The following EPGN variants were observed in gnomAD, a reference collection of about 807,000 sequenced individuals.
EPGN encodes epithelial mitogen.
In EPGN, 21 loss-of-function variants were observed where a neutral mutation model predicts 20.7. The ratio of observed to expected loss-of-function variants is 1.01; its 90% CI spans 0.72 to 1.46. The LOEUF (loss-of-function observed/expected upper bound fraction) is 1.46. EPGN is among the 40% of genes most tolerant of loss of function. The pLI is 0.00. For synonymous variants in EPGN, 69 were observed against 63.8 expected, an observed-to-expected ratio of 1.08 and a Z score of -0.39; for missense variants, 199 against 180.7, an observed-to-expected ratio of 1.10 and a Z score of -0.58.
intron 2 of EPGN, among the ~76,000 whole-genome samples, chr4:74,310,097 T>G (rs1750804502): frequency 6.6e-6 from 1 of 152,198 alleles, no homozygotes; most frequent in South Asian, 2.1e-4. Flanking sequence ...AGAATAACTT[T>G]TAGCCAACTA....
At chr4:74,313,553 G>T (rs1751107290) in intron 4 of EPGN, 23 of 1,060,602 alleles carry the variant, frequency 2.2e-5, no homozygotes, top group Admixed American at 5.2e-5. Context: ...GTAAATATTT[G>T]TTGAGTGAAA....
intron 2 of EPGN, among the ~76,000 whole-genome samples, chr4:74,310,298 C>A (rs896405066): frequency 5.3e-5 from 8 of 151,650 alleles, no homozygotes; most frequent in Non-Finnish European, 8.8e-5. Context: ...CCTGTCTCTA[C>A]TAAAAATACA....
chr4:74,314,135 C>T (rs1372364035), intron 4 of EPGN: 3 of 456,824 alleles, frequency 6.6e-6, no homozygotes, highest in Non-Finnish European at 1.3e-5. Context: ...TTAGGTGAAA[C>T]CTGTAATAAA....
intron 2 of EPGN, 32 bp from the exon 3 acceptor site, chr4:74,312,153 T>C (rs1046706067): frequency 6.4e-7 from 1 of 1,565,766 alleles, no homozygotes; most frequent in African/African-American, 1.4e-5. Flanking sequence ...AAGACACATT[T>C]CATTTGCTAA....
At position 74,313,103 on chromosome 4, in the gene EPGN, A is replaced by G. The variant is rs1399188479; in HGVS notation, c.340A>G (p.Ile114Val). Residue 114 changes from isoleucine (I) to valine (V), a missense_variant, in exon 4 of 5, where the codon ATT (isoleucine) becomes GTT (valine). Coordinates refer to ENST00000413830, the MANE Select transcript of EPGN (RefSeq NM_001270989.2). ...GGATTCTTATGAAAAATACATTGCA[A>G]TTGGGATTGGTGTTGGATTACTATT... is the stretch of plus-strand genomic sequence containing the variant. ...AVDSYEKYIAIGIGVGLLLSG... is the reference protein window; with the variant it reads ...AVDSYEKYIAVGIGVGLLLSG... 1.2e-6 allele frequency: 2 copies of G among 1,613,096 alleles called. No individual in the cohort carries two copies. Among genetic ancestry groups the G allele is most frequent in the Non-Finnish European group, 1.7e-6 (2 of 1,179,528 alleles).
intron 3 of EPGN, 131 bp from the exon 4 acceptor site, chr4:74,312,887 C>A: frequency 1.3e-6 from 1 of 752,122 alleles, no homozygotes; most frequent in Non-Finnish European, 2.0e-6. Context: ...AACAGATTGG[C>A]TTTCATTTGG....
At position 74,314,883 on chromosome 4, in the gene EPGN, T is replaced by A. The variant is rs1751198075; in HGVS notation, c.*246T>A. 3.8e-6 allele frequency: 2 copies of A among 520,056 alleles called. No homozygotes were observed. Among genetic ancestry groups the A allele is most frequent in the Non-Finnish European group, 6.8e-6 (2 of 292,792 alleles). 32.2% of individuals were successfully genotyped at this position (520,056 alleles called of 1,614,324 possible). ...GTCAAATTCATAGTTTCACTCTGGG[T>A]TTTTTGTTGTTGTGTGGTTATTATT... is the stretch of plus-strand genomic sequence containing the variant. On this transcript the variant is annotated 3_prime_UTR_variant, in exon 5 of 5. Coordinates refer to ENST00000413830, the MANE Select transcript of EPGN (RefSeq NM_001270989.2).
intron 1 of EPGN, 150 bp from the exon 2 acceptor site, chr4:74,308,943 A>G: frequency 1.6e-6 from 1 of 623,982 alleles, no homozygotes. Context: ...GAGAAACTGT[A>G]AGTATGTTGC....
In EPGN at chr4:74,309,110, G is replaced by A. The variant is rs772093681; in HGVS notation, c.61G>A (p.Glu21Lys). The A allele has an allele frequency of 2.5e-5, 40 of 1,613,052 alleles. No homozygotes were observed. The highest frequency in any genetic ancestry group is 6.7e-5 in the African/African-American group (5 of 74,892). ...LLFNAMTALT[E>K]EAAVTVTPPI... ...TAATACAGCAATGACAGCACTGACCGAAGAGGCAGCCGTGACTGTAACACC... is the reference window on the plus strand; with the variant it reads ...TAATACAGCAATGACAGCACTGACCAAAGAGGCAGCCGTGACTGTAACACC... The change falls in exon 2 of 5, where the codon GAA becomes AAA. Residue 21 changes from glutamate (E) to lysine (K), a missense_variant. By Grantham distance (56) the Glu-to-Lys change is moderately conservative. Transcript: ENST00000413830.
chr4:74,314,665 C>CATCT lies in EPGN; in HGVS notation c.*29_*32dup. 6.5e-7 allele frequency: 1 copy of CATCT among 1,533,242 alleles called. No individual in the cohort carries two copies. The highest frequency in any genetic ancestry group is 8.7e-7 in the Non-Finnish European group (1 of 1,144,496). 95.0% of individuals were successfully genotyped at this position (1,533,242 alleles called of 1,614,324 possible). A position where few individuals can be genotyped will look rare whatever the true frequency, so the allele number is the denominator to read the frequency against. ...CCTTTGTGAAGAATTTTCATCAAGG[C>CATCT]ATCTGTAGAGATCAGTGAGCCCAAA... On this transcript the variant is annotated 3_prime_UTR_variant, in exon 5 of 5. Transcript: ENST00000413830.
Position 74,315,888 on chromosome 4 carries a change from G to T in EPGN, c.*1251G>T, listed in dbSNP as rs916998886. ...AATCACTTGAACCCAGGAGGCAGAG[G>T]TTGTAGTGAGCCGAGATGGCAACCC... On this transcript the variant is annotated 3_prime_UTR_variant, in exon 5 of 5. Transcript: ENST00000413830. Among the ~76,000 whole-genome samples, 2 of 151,056 alleles carry T rather than the reference G, an allele frequency of 1.3e-5. No homozygotes were observed. The highest frequency in any genetic ancestry group is 4.2e-4 in the South Asian group (2 of 4,776).
rs1257690290 is a variant in EPGN, at chr4:74,313,043, A to G, written c.280A>G (p.Arg94Gly). Residue 94 changes from arginine (R) to glycine (G), a missense_variant, in exon 4 of 5, where the codon AGG becomes GGG. Coordinates refer to ENST00000413830, the MANE Select transcript of EPGN (RefSeq NM_001270989.2). ...GTGTTTTACTGGTTATACTGGAGAAAGGTGTGAGCACTTGACTTTAACTTC... is the reference window on the plus strand; with the variant it reads ...GTGTTTTACTGGTTATACTGGAGAAGGGTGTGAGCACTTGACTTTAACTTC... ...CRCFTGYTGE[R>G]CEHLTLTSYA... 5 of 1,610,124 alleles carry G rather than the reference A, an allele frequency of 3.1e-6. No individual in the cohort carries two copies. Among genetic ancestry groups the G allele is most frequent in the Non-Finnish European group, 4.2e-6 (5 of 1,179,170 alleles).
Position 74,316,146 on chromosome 4 carries a change from T to A in EPGN, c.*1509T>A, listed in dbSNP as rs926021980. Among the ~76,000 whole-genome samples, 2 of 152,072 alleles carry A rather than the reference T, an allele frequency of 1.3e-5. No individual in the cohort carries two copies. The highest frequency in any genetic ancestry group is 2.9e-5 in the Non-Finnish European group (2 of 68,012). On this transcript the variant is annotated 3_prime_UTR_variant, in exon 5 of 5. Transcript: ENST00000413830. ...TGCATTGCCGGTGAGATCCTCAACA[T>A]CAGCATGTTGAGATGGACCTCAACC...
At chr4:74,313,485 T>A (rs1751102438) in intron 4 of EPGN, 1 of 1,197,720 alleles carries the variant, frequency 8.3e-7, no homozygotes, top group Admixed American at 4.2e-5. Context: ...TAAGTATGTC[T>A]TGTTCAAAAT....
At chr4:74,312,559 A>T (rs1751030507) in intron 3 of EPGN, among the ~76,000 whole-genome samples, 1 of 152,178 alleles carries the variant, frequency 6.6e-6, no homozygotes, top group African/African-American at 2.4e-5. Context: ...GAAATGCAGG[A>T]TCTATGCTCT....
At chr4:74,311,799 C>T (rs1005831384) in intron 2 of EPGN, among the ~76,000 whole-genome samples, 29 of 152,262 alleles carry the variant, frequency 1.9e-4, no homozygotes, top group African/African-American at 7.0e-4. Flanking sequence ...GGAAGAAAAT[C>T]GAAATATTAT....
rs1284665058 is a variant in EPGN, at chr4:74,314,107, G to GAGT, written c.408-471_408-469dup. 4.6e-5 allele frequency: 21 copies of GAGT among 456,286 alleles called. No homozygotes were observed. The Admixed American group carries it at 4.9e-4, about 11-fold the overall frequency. 28.3% of individuals were successfully genotyped at this position (456,286 alleles called of 1,614,324 possible). ...TTGCTGTGCATGTGATTAGTTGAGG[G>GAGT]AGTACTCTACCTTTATTTTAGGTGA... On this transcript the variant is annotated intron_variant, in intron 4 of 4. Transcript: ENST00000413830.
In EPGN at chr4:74,316,370, T is replaced by C. The variant is rs1235013678; in HGVS notation, c.*1733T>C. On this transcript the variant is annotated 3_prime_UTR_variant, in exon 5 of 5. Transcript: ENST00000413830. ...ATGTAGATAAGCAAGACAATTTTGA[T>C]CATGAGTGGTGAAAAGAGGATCAAA... is the stretch of plus-strand genomic sequence containing the variant. 6.6e-6 allele frequency among the ~76,000 whole-genome samples: 1 copy of C among 152,202 alleles called. No homozygotes were observed. Among genetic ancestry groups the C allele is most frequent in the Non-Finnish European group, 1.5e-5 (1 of 68,042 alleles).
At chr4:74,311,164 A>G (rs1750918072) in intron 2 of EPGN, among the ~76,000 whole-genome samples, 1 of 152,160 alleles carries the variant, frequency 6.6e-6, no homozygotes. Flanking sequence ...TTCTTTAGAA[A>G]TGGCTTAATT....
Sources: gnomAD v4.1 joint callset for allele counts (sites outside exome capture counted in the v4.1 genomes callset) on GRCh38, gnomAD v4.1.1 for gene constraint, MANE v1.5 for transcripts, NCBI Gene and HGNC (gene_info 2026-07-23, HGNC 2026-07-21) for gene names.